Variants in SCN1A observed in about 807,000 individuals in gnomAD.
The protein encoded by SCN1A is sodium channel protein type 1 subunit alpha.
Under a neutral mutation model 193.7 loss-of-function variants are expected in SCN1A, and 13 were observed. The ratio of observed to expected loss-of-function variants is 0.07; its 90% CI spans 0.04 to 0.11. The LOEUF (loss-of-function observed/expected upper bound fraction) is 0.11. Ranked by LOEUF, SCN1A falls within the 10% of genes least tolerant of loss-of-function variation. SCN1A has a pLI of 1.00. For synonymous variants in SCN1A, 781 were observed against 843.6 expected (o/e 0.93, Z 1.29); for missense variants, 1,432 against 2,451.1 (o/e 0.58, Z 8.78).
At chr2:166,012,047 G>A in intron 22 of SCN1A, 62 bp downstream of exon 22, 1 of 1,466,080 alleles carries the variant, frequency 6.8e-7, no homozygotes, top group Admixed American at 1.7e-5. Flanking sequence ...CACTATTGTA[G>A]AATTTGAATA....
At chr2:166,081,763 T>TC (rs1260188106) in intron 2 of SCN1A, 1 of 151,818 alleles carries the variant, frequency 6.6e-6, no homozygotes, top group Non-Finnish European at 1.5e-5. Flanking sequence ...CCCTCCTCAC[T>TC]CCCCCGTCTC....
At chr2:166,132,419 T>G (rs1299846743), upstream of SCN1A, among the ~76,000 whole-genome samples, 1 of 151,764 alleles carries the variant, frequency 6.6e-6, no homozygotes, top group Admixed American at 6.6e-5. Context: ...TCTGCAAAAA[T>G]CTACTACCAA....
intron 2 of SCN1A, among the ~76,000 whole-genome samples, chr2:166,089,193 T>A (rs1445990827): frequency 6.6e-6 from 1 of 151,744 alleles, no homozygotes; most frequent in Non-Finnish European, 1.5e-5. Context: ...CCCCAGTGTG[T>A]GATATTCCCT....
chr2:166,133,318 C>T (rs1192124943), intron 1 of SCN1A, among the ~76,000 whole-genome samples: 3 of 152,122 alleles, frequency 2.0e-5, no homozygotes, highest in African/African-American at 7.2e-5. Flanking sequence ...AGATTCACTG[C>T]AATTTCCTTT....
rs1267096191 is a variant in SCN1A, at chr2:165,994,481, C to G, written c.4582-65G>C. 4.1e-6 allele frequency: 6 copies of G among 1,466,456 alleles called. No individual in the cohort carries two copies. The Admixed American group carries it at 5.2e-5, about 13-fold the overall frequency. The allele number at this position is 1,466,456 out of a possible 1,614,324, so 90.8% of individuals were successfully genotyped here. ...TTCTCATGTGCATTAGCATTAAGTA[C>G]TTTCTGCATTAATTGACTTTCTAGT... is the stretch of plus-strand genomic sequence containing the variant. On this transcript the variant is annotated intron_variant, in intron 27 of 28. Coordinates refer to ENST00000674923, the MANE Select transcript of SCN1A (RefSeq NM_001165963.4).
At position 166,036,301 on chromosome 2, in the gene SCN1A, T is replaced by A. The variant is rs779306054; in HGVS notation, c.3176A>T (p.Asp1059Val). The A allele has an allele frequency of 1.2e-5, 19 of 1,613,712 alleles. No homozygotes were observed. In the East Asian group the frequency reaches 2.9e-4, roughly 25 times the overall value. ...TGCTGTATGATTGGACATACAACTG[T>A]CTTTCTTGTTGTTTAGATCATCAAG... ...KPLDDLNNKK[D>V]SCMSNHTAEI... The change falls in exon 19 of 29, where the codon GAC becomes GTC. Residue 1059 changes from aspartate (D) to valine (V), a missense_variant. Coordinates refer to ENST00000674923, the MANE Select transcript of SCN1A (RefSeq NM_001165963.4).
intron 13 of SCN1A, 148 bp from the exon 14 acceptor site, chr2:166,044,197 G>T: frequency 2.0e-6 from 2 of 977,462 alleles, no homozygotes; most frequent in Non-Finnish European, 3.0e-6. Context: ...CATTTTATGT[G>T]CATTCACATT....
intron 1 of SCN1A, among the ~76,000 whole-genome samples, chr2:166,142,205 G>A (rs1233562213): frequency 6.6e-6 from 1 of 152,162 alleles, no homozygotes; most frequent in African/African-American, 2.4e-5. Context: ...AGGGAAAACT[G>A]GAACCGCATT....
chr2:166,130,022 TAGC>T (rs1263234044), upstream of SCN1A, among the ~76,000 whole-genome samples: 3 of 152,122 alleles, frequency 2.0e-5, no homozygotes, highest in Non-Finnish European at 4.4e-5. Context: ...GATACTGAAA[TAGC>T]AGCCAGCCAC....
chr2:166,107,387 AT>A (rs1395297960), intron 2 of SCN1A, among the ~76,000 whole-genome samples: 1 of 152,176 alleles, frequency 6.6e-6, no homozygotes, highest in African/African-American at 2.4e-5. Flanking sequence ...TGCTGAATTA[AT>A]TAATAAAATA....
chr2:166,044,201 T>G (rs779892856), intron 13 of SCN1A, 152 bp from the exon 14 acceptor site: 1 of 958,548 alleles, frequency 1.0e-6, no homozygotes, highest in Non-Finnish European at 1.5e-6. Context: ...TTATGTGCAT[T>G]CACATTAAAT....
chr2:166,045,387 A>G, intron 12 of SCN1A, 60 bp from the exon 13 acceptor site: 1 of 1,561,478 alleles, frequency 6.4e-7, no homozygotes, highest in Non-Finnish European at 8.8e-7. Context: ...TTTCTTTGAA[A>G]GGGCTGAAGT....
intron 20 of SCN1A, among the ~76,000 whole-genome samples, chr2:166,014,759 A>G (rs1387482474): frequency 4.0e-5 from 6 of 151,440 alleles, no homozygotes; most frequent in Non-Finnish European, 8.9e-5. Flanking sequence ...GAGTGAAGGA[A>G]TGGAGGAAAA....
chr2:166,068,990 A>C (rs1004361576), intron 4 of SCN1A, among the ~76,000 whole-genome samples: 3 of 152,190 alleles, frequency 2.0e-5, no homozygotes, highest in Non-Finnish European at 4.4e-5. Context: ...TTCTGTAATA[A>C]AGAGTGGGTA....
At chr2:166,134,766 G>A (rs149201328) in intron 1 of SCN1A, among the ~76,000 whole-genome samples, 2,423 of 152,246 alleles carry the variant, frequency 0.016, 28 homozygotes, top group Non-Finnish European at 0.023. Flanking sequence ...ACATTTATAT[G>A]ATGGTTATCT....
intron 1 of SCN1A, among the ~76,000 whole-genome samples, chr2:166,148,233 C>T (rs187058939): frequency 6.6e-6 from 1 of 152,162 alleles, no homozygotes. Context: ...CTGGTTAAAT[C>T]TTATTAAAAT....
At chr2:166,001,470 CTTAG>C (rs1339082222) in intron 24 of SCN1A, among the ~76,000 whole-genome samples, 1 of 151,710 alleles carries the variant, frequency 6.6e-6, no homozygotes, top group Non-Finnish European at 1.5e-5. Flanking sequence ...GGTTTGTTTG[CTTAG>C]TTAGTCTTCT....
At chr2:166,026,714 T>A (rs1486813510) in intron 19 of SCN1A, among the ~76,000 whole-genome samples, 1 of 144,258 alleles carries the variant, frequency 6.9e-6, no homozygotes, top group Non-Finnish European at 1.5e-5. Flanking sequence ...GACTGAGTCT[T>A]GCTCTGTCGC....
At chr2:166,101,224 T>C (rs1688025036) in intron 2 of SCN1A, among the ~76,000 whole-genome samples, 1 of 151,296 alleles carries the variant, frequency 6.6e-6, no homozygotes, top group African/African-American at 2.4e-5. Context: ...ATGGATGCAA[T>C]TGGAAATCAT....
Sources: gnomAD v4.1 joint callset for allele counts (sites outside exome capture counted in the v4.1 genomes callset) on GRCh38, gnomAD v4.1.1 for gene constraint, MANE v1.5 for transcripts, NCBI Gene and HGNC (gene_info 2026-07-23, HGNC 2026-07-21) for gene names.